SORCS3: variants seen among roughly 807,000 people sequenced by gnomAD.
SORCS3 encodes sortilin related VPS10 domain containing receptor 3.
In SORCS3, 57 loss-of-function variants were observed where a neutral mutation model predicts 146.3. That is an observed-to-expected ratio of 0.39 (90% confidence interval 0.31 to 0.49). The LOEUF (loss-of-function observed/expected upper bound fraction) is 0.49, where lower values mean the gene tolerates loss of function less well. Ranked by LOEUF, SORCS3 falls within the 20% of genes least tolerant of loss-of-function variation. The pLI, the probability that SORCS3 is intolerant of heterozygous loss-of-function variation, is 0.92. For missense variants in SORCS3, 1,341 were observed against 1,575.5 expected, an observed-to-expected ratio of 0.85 and a Z score of 2.52; for synonymous variants, 653 against 618.5, an observed-to-expected ratio of 1.06 and a Z score of -0.83.
At chr10:104,972,472 AC>A (rs2054866334) in intron 3 of SORCS3, among the ~76,000 whole-genome samples, 1 of 152,192 alleles carries the variant, frequency 6.6e-6, no homozygotes, top group Non-Finnish European at 1.5e-5. Context: ...GAATCATAAA[AC>A]CACTTAATTA....
chr10:104,934,729 C>T (rs1407178773), intron 3 of SORCS3, among the ~76,000 whole-genome samples: 5 of 152,164 alleles, frequency 3.3e-5, no homozygotes, highest in Non-Finnish European at 7.3e-5. Flanking sequence ...GTCTTTCTGT[C>T]AAGAGTTTCC....
At chr10:105,036,491 G>A (rs1336220634) in intron 4 of SORCS3, among the ~76,000 whole-genome samples, 1 of 152,138 alleles carries the variant, frequency 6.6e-6, no homozygotes, top group Non-Finnish European at 1.5e-5. Context: ...GGGAGCAGTG[G>A]CTCACACCTG....
At chr10:105,230,430 TG>T (rs2056759890) in intron 20 of SORCS3, among the ~76,000 whole-genome samples, 1 of 152,088 alleles carries the variant, frequency 6.6e-6, no homozygotes, top group South Asian at 2.1e-4. Flanking sequence ...GTCAGGTGGG[TG>T]GGAAATACAT....
At chr10:105,052,969 C>T (rs2055423154) in intron 5 of SORCS3, among the ~76,000 whole-genome samples, 1 of 152,108 alleles carries the variant, frequency 6.6e-6, no homozygotes, top group Non-Finnish European at 1.5e-5. Flanking sequence ...CAGGCTTAAG[C>T]AACAGAAATT....
At chr10:105,227,811 T>C (rs572474072) in intron 20 of SORCS3, among the ~76,000 whole-genome samples, 54 of 152,130 alleles carry the variant, frequency 3.5e-4, no homozygotes, top group Admixed American at 3.3e-4. Flanking sequence ...CTTTGTATTT[T>C]TTGTTTTTTA....
intron 14 of SORCS3, among the ~76,000 whole-genome samples, chr10:105,178,600 G>GAC (rs34722139): frequency 6.6e-5 from 10 of 151,530 alleles, no homozygotes; most frequent in East Asian, 1.9e-4. Flanking sequence ...CTCTCTCATA[G>GAC]ACACACACAC....
chr10:104,995,198 C>T (rs1203415538), intron 4 of SORCS3, among the ~76,000 whole-genome samples: 9 of 138,074 alleles, frequency 6.5e-5, no homozygotes, highest in Admixed American at 3.1e-4. Flanking sequence ...CTTGCTCTGT[C>T]GTCCAGGCTG....
At chr10:104,973,304 G>A (rs992115152) in intron 3 of SORCS3, among the ~76,000 whole-genome samples, 16 of 150,378 alleles carry the variant, frequency 1.1e-4, no homozygotes, top group Non-Finnish European at 2.1e-4. Context: ...GGTAGAATTC[G>A]GCTGTGAATC....
At chr10:104,962,787 A>G (rs2054803740) in intron 3 of SORCS3, among the ~76,000 whole-genome samples, 1 of 152,228 alleles carries the variant, frequency 6.6e-6, no homozygotes, top group South Asian at 2.1e-4. Context: ...AAAATAGAAA[A>G]GTATAGAGAA....
intron 4 of SORCS3, among the ~76,000 whole-genome samples, chr10:104,989,240 A>G (rs1178349379): frequency 6.6e-6 from 1 of 152,238 alleles, no homozygotes; most frequent in Non-Finnish European, 1.5e-5. Flanking sequence ...AATTGTTTGC[A>G]TTTGAAGTAC....
At chr10:104,694,420 T>G (rs2016150026) in intron 1 of SORCS3, among the ~76,000 whole-genome samples, 1 of 151,928 alleles carries the variant, frequency 6.6e-6, no homozygotes, top group Non-Finnish European at 1.5e-5. Flanking sequence ...AGAACATGGA[T>G]ATTAGGGTTT....
At chr10:104,959,255 A>T (rs182009695) in intron 3 of SORCS3, among the ~76,000 whole-genome samples, 268 of 152,282 alleles carry the variant, frequency 1.8e-3, no homozygotes, top group African/African-American at 6.3e-3. Context: ...CCCTACACAT[A>T]CCAAATTCAT....
chr10:104,840,672 G>GGGTTTTCC (rs1288298682), intron 1 of SORCS3, among the ~76,000 whole-genome samples: 1 of 152,218 alleles, frequency 6.6e-6, no homozygotes, highest in Non-Finnish European at 1.5e-5. Context: ...GTAAGGAGAA[G>GGGTTTTCC]GGTTTTCCAG....
chr10:105,250,724 G>A (rs956215665), intron 22 of SORCS3, among the ~76,000 whole-genome samples: 7 of 152,118 alleles, frequency 4.6e-5, no homozygotes, highest in African/African-American at 1.7e-4. Flanking sequence ...TTGGGCATTA[G>A]GACTTAATGC....
intron 1 of SORCS3, among the ~76,000 whole-genome samples, chr10:104,705,406 A>G (rs1413334802): frequency 6.6e-6 from 1 of 151,936 alleles, no homozygotes; most frequent in Non-Finnish European, 1.5e-5. Flanking sequence ...CCAGTATTTT[A>G]TACTTTTCCC....
At chr10:105,163,146 C>A (rs1437348069) in intron 11 of SORCS3, among the ~76,000 whole-genome samples, 2 of 152,146 alleles carry the variant, frequency 1.3e-5, no homozygotes, top group Non-Finnish European at 2.9e-5. Context: ...TTTTTGAAAT[C>A]TTGAGTCTCA....
At chr10:105,157,761 G>A (rs1296194066) in intron 10 of SORCS3, among the ~76,000 whole-genome samples, 5 of 152,244 alleles carry the variant, frequency 3.3e-5, no homozygotes, top group East Asian at 3.9e-4. Context: ...GGATATTGGG[G>A]TAGGCACCAT....
chr10:104,943,795 GACA>G (rs2019343618), intron 3 of SORCS3, among the ~76,000 whole-genome samples: 1 of 152,146 alleles, frequency 6.6e-6, no homozygotes, highest in Non-Finnish European at 1.5e-5. Context: ...GATATTACTA[GACA>G]TAAGACTTAT....
At chr10:104,654,711 G>A (rs1205720306) in intron 1 of SORCS3, among the ~76,000 whole-genome samples, 2 of 152,174 alleles carry the variant, frequency 1.3e-5, no homozygotes, top group East Asian at 1.9e-4. Flanking sequence ...TGTATCATGT[G>A]CTATTTGGCA....
Sources: allele counts gnomAD v4.1 joint callset (sites outside exome capture counted in the v4.1 genomes callset), GRCh38; gene constraint gnomAD v4.1.1; transcripts MANE v1.5; gene names NCBI Gene and HGNC (gene_info 2026-07-23, HGNC 2026-07-21).